NTM: variants seen among roughly 807,000 people sequenced by gnomAD.
NTM encodes the protein IgLON family member 2.
In NTM, 13 loss-of-function variants were observed where a neutral mutation model predicts 42.1. The observed-to-expected ratio is 0.31, with a 90% CI of 0.20 to 0.49. The LOEUF (loss-of-function observed/expected upper bound fraction) is 0.49, where lower values mean the gene tolerates loss of function less well. Among genes scored for constraint, NTM ranks in the 20% least tolerant of loss-of-function variants. The probability of loss-of-function intolerance (pLI) is 0.99; values close to 1 mark genes in which losing one functional copy is unlikely to be tolerated. For missense variants in NTM, 373 were observed against 452.8 expected (o/e 0.82, Z 1.60); for synonymous variants, 187 against 179.2 (o/e 1.04, Z -0.35).
At chr11:132,240,009 TC>T (rs1417236922) in intron 4 of NTM, among the ~76,000 whole-genome samples, 3 of 151,514 alleles carry the variant, frequency 2.0e-5, no homozygotes, top group Non-Finnish European at 2.9e-5. Context: ...CATTCATCCA[TC>T]CAACCACCCA....
At chr11:131,871,087 T>G (rs1296280230) in intron 1 of NTM, among the ~76,000 whole-genome samples, 2 of 152,134 alleles carry the variant, frequency 1.3e-5, no homozygotes, top group African/African-American at 2.4e-5. Flanking sequence ...TATTGTGAGT[T>G]TATTATCTGT....
At chr11:131,706,254 A>G (rs2076578530) in intron 1 of NTM, among the ~76,000 whole-genome samples, 1 of 152,076 alleles carries the variant, frequency 6.6e-6, no homozygotes, top group Admixed American at 6.5e-5. Context: ...GCCATTATAA[A>G]ATGAAAAAGG....
chr11:131,396,641 C>T (rs1027917029), intron 1 of NTM, among the ~76,000 whole-genome samples: 8 of 152,112 alleles, frequency 5.3e-5, no homozygotes, highest in East Asian at 1.9e-4. Flanking sequence ...CGAGACCAAC[C>T]GGGCTAAGAT....
At chr11:131,899,682 C>G (rs926617042) in intron 1 of NTM, among the ~76,000 whole-genome samples, 12 of 152,156 alleles carry the variant, frequency 7.9e-5, no homozygotes, top group Non-Finnish European at 1.6e-4. Context: ...TTATTCAAAC[C>G]TTTTCATATC....
At chr11:131,424,600 CTTTTTTT>C (rs769740331) in intron 1 of NTM, among the ~76,000 whole-genome samples, 3 of 56,052 alleles carry the variant, frequency 5.4e-5, no homozygotes, top group African/African-American at 2.2e-4. Context: ...CTTTTCTTTT[CTTTTTTT>C]TTTTTTTTTT....
intron 1 of NTM, among the ~76,000 whole-genome samples, chr11:131,625,292 CATG>C (rs546908349): frequency 3.3e-4 from 51 of 152,304 alleles, no homozygotes; most frequent in Non-Finnish European, 6.2e-4. Flanking sequence ...AAGGTCCCCC[CATG>C]ATGGTCTTTA....
intron 2 of NTM, among the ~76,000 whole-genome samples, chr11:132,138,297 C>T (rs2068349546): frequency 6.6e-6 from 1 of 152,082 alleles, no homozygotes; most frequent in Admixed American, 6.5e-5. Context: ...GTCTGGAAAA[C>T]ACTCATGGGG....
intron 4 of NTM, among the ~76,000 whole-genome samples, chr11:132,277,275 A>G (rs968386813): frequency 3.9e-5 from 6 of 152,162 alleles, no homozygotes; most frequent in African/African-American, 1.4e-4. Context: ...AATTGATTTT[A>G]TCGACTTACT....
intron 2 of NTM, among the ~76,000 whole-genome samples, chr11:132,011,512 G>T (rs1330870444): frequency 6.6e-6 from 1 of 152,130 alleles, no homozygotes; most frequent in Admixed American, 6.5e-5. Context: ...TATGTCTAAT[G>T]TGTTCTTTTT....
rs75463641 is a variant in NTM at position 131,853,467 on chromosome 11, C to G, written c.83-58097C>G. Among the ~76,000 whole-genome samples, 430 of 152,284 alleles carry G rather than the reference C, an allele frequency of 2.8e-3. 2 individuals carry two copies. The highest frequency in any genetic ancestry group is 9.8e-3 in the African/African-American group (408 of 41,568). On this transcript the variant is annotated intron_variant, in intron 1 of 8. Coordinates refer to ENST00000683400, the MANE Select transcript of NTM (RefSeq NM_001352005.2). ...TGTCTTATGTTGTCATAATCTAGCT[C>G]CCACTTATAAGTGAGAGCATGCGGT...
intron 1 of NTM, among the ~76,000 whole-genome samples, chr11:131,485,627 G>C (rs1954095931): frequency 6.6e-6 from 1 of 152,204 alleles, no homozygotes; most frequent in Non-Finnish European, 1.5e-5. Context: ...TGTTACATCT[G>C]AGAATAAGTA....
At chr11:131,425,630 T>C (rs1157570458) in intron 1 of NTM, among the ~76,000 whole-genome samples, 1 of 152,168 alleles carries the variant, frequency 6.6e-6, no homozygotes, top group Non-Finnish European at 1.5e-5. Context: ...GTGTCAGTAG[T>C]GCCTTTGAGG....
intron 1 of NTM, among the ~76,000 whole-genome samples, chr11:131,382,299 A>T (rs1004038805): frequency 6.6e-6 from 1 of 152,204 alleles, no homozygotes; most frequent in Admixed American, 6.5e-5. Flanking sequence ...ACAGGAGGAC[A>T]AAGAACACAT....
At chr11:131,376,896 A>G (rs1942044777) in intron 1 of NTM, among the ~76,000 whole-genome samples, 1 of 152,178 alleles carries the variant, frequency 6.6e-6, no homozygotes, top group South Asian at 2.1e-4. Flanking sequence ...TTGAGTGTCT[A>G]CTACGTTCGG....
intron 1 of NTM, among the ~76,000 whole-genome samples, chr11:131,688,444 G>A (rs1490139765): frequency 6.6e-6 from 1 of 152,230 alleles, no homozygotes; most frequent in Non-Finnish European, 1.5e-5. Flanking sequence ...GAATGGGATG[G>A]CACATGTCAT....
chr11:132,032,653 T>G (rs1416920916), intron 2 of NTM, among the ~76,000 whole-genome samples: 1 of 152,160 alleles, frequency 6.6e-6, no homozygotes, highest in Non-Finnish European at 1.5e-5. Flanking sequence ...AGCTCTGAAT[T>G]GTCTTATAAT....
chr11:131,661,870 C>A (rs1592417743), intron 1 of NTM, among the ~76,000 whole-genome samples: 1 of 152,180 alleles, frequency 6.6e-6, no homozygotes, highest in Middle Eastern at 3.4e-3. Context: ...GTAAAACATT[C>A]TATTTAACAG....
chr11:131,698,107 G>A (rs1412420801), intron 1 of NTM, among the ~76,000 whole-genome samples: 1 of 152,090 alleles, frequency 6.6e-6, no homozygotes, highest in Non-Finnish European at 1.5e-5. Context: ...AGTTCTTATT[G>A]CCCCCATGTT....
In NTM at chr11:131,493,788, C is replaced by T. The variant is rs916033723; in HGVS notation, c.82+122900C>T. On this transcript the variant is annotated intron_variant, in intron 1 of 8. Coordinates refer to ENST00000683400, the MANE Select transcript of NTM (RefSeq NM_001352005.2). ...TTTTGCTACACTGTACCTCCCTATT[C>T]CTTTACCCAGAAACCAGTACTAGAA... 3.3e-5 allele frequency among the ~76,000 whole-genome samples: 5 copies of T among 152,284 alleles called. No homozygotes were observed. In the East Asian group the frequency reaches 7.7e-4, roughly 24 times the overall value.
Sources: allele counts gnomAD v4.1 joint callset (sites outside exome capture counted in the v4.1 genomes callset), GRCh38; gene constraint gnomAD v4.1.1; transcripts MANE v1.5; gene names NCBI Gene and HGNC (gene_info 2026-07-23, HGNC 2026-07-21).